Variants in SCN10A observed in about 807,000 individuals in gnomAD.
The protein encoded by SCN10A is sodium voltage-gated channel alpha subunit 10, also known as sodium channel protein type 10 subunit alpha.
In SCN10A, 162 loss-of-function variants were observed where a neutral mutation model predicts 170.7. That is an observed-to-expected ratio of 0.95 (90% CI 0.84 to 1.08). The LOEUF (loss-of-function observed/expected upper bound fraction) is 1.08, where lower values mean the gene tolerates loss of function less well. Ranked by LOEUF, SCN10A falls within the 50% of genes least tolerant of loss-of-function variation. The pLI, the probability that SCN10A is intolerant of heterozygous loss-of-function variation, is 0.00. For synonymous variants in SCN10A, 985 were observed against 904.6 expected (o/e 1.09, Z -1.59); for missense variants, 2,527 against 2,436.9 (o/e 1.04, Z -0.78).
chr3:38,765,556 T>C (rs2063922761), intron 5 of SCN10A, among the ~76,000 whole-genome samples: 1 of 152,222 alleles, frequency 6.6e-6, no homozygotes, highest in African/African-American at 2.4e-5. Context: ...CTCTATTCTT[T>C]TCCATTGGTC....
intron 1 of SCN10A, among the ~76,000 whole-genome samples, chr3:38,799,387 T>C (rs1364663718): frequency 6.6e-6 from 1 of 152,220 alleles, no homozygotes; most frequent in African/African-American, 2.4e-5. Flanking sequence ...CAATGTGTTC[T>C]GCAGAATTTG....
At chr3:38,718,570 C>A (rs562516908) in intron 21 of SCN10A, 83 bp downstream of exon 21, 1 of 1,459,288 alleles carries the variant, frequency 6.9e-7, no homozygotes, top group Admixed American at 1.9e-5. Context: ...AGGGCCAGGT[C>A]TCTGAGCTTC....
intron 8 of SCN10A, among the ~76,000 whole-genome samples, chr3:38,759,525 GCC>G (rs2063845087): frequency 6.6e-6 from 1 of 152,068 alleles, no homozygotes; most frequent in Admixed American, 6.5e-5. Flanking sequence ...AGCCTATGAA[GCC>G]TCTAGTAAAG....
At chr3:38,775,708 A>G (rs1204214637) in intron 4 of SCN10A, among the ~76,000 whole-genome samples, 1 of 152,182 alleles carries the variant, frequency 6.6e-6, no homozygotes, top group African/African-American at 2.4e-5. Flanking sequence ...TTCAACTATA[A>G]AATAAAATGT....
At chr3:38,746,067 A>ATATATATGTGTGTGTG (rs1559439478) in intron 13 of SCN10A, among the ~76,000 whole-genome samples, 2 of 70,982 alleles carry the variant, frequency 2.8e-5, no homozygotes, top group East Asian at 5.0e-4. Flanking sequence ...GTATGTGTAT[A>ATATATATGTGTGTGTG]TATATATATA....
At chr3:38,795,528 G>C (rs1227531449) in intron 1 of SCN10A, among the ~76,000 whole-genome samples, 1 of 151,380 alleles carries the variant, frequency 6.6e-6, no homozygotes, top group Non-Finnish European at 1.5e-5. Context: ...TTTTTTTGTA[G>C]GCAGTGTACC....
intron 11 of SCN10A, 123 bp downstream of exon 11, chr3:38,755,665 G>T: frequency 8.9e-7 from 1 of 1,124,416 alleles, no homozygotes; most frequent in East Asian, 2.4e-5. Context: ...AGGGGTGTCT[G>T]GATCCTTTTA....
At chr3:38,724,875 C>G (rs576587762) in intron 18 of SCN10A, among the ~76,000 whole-genome samples, 41 of 152,276 alleles carry the variant, frequency 2.7e-4, no homozygotes, top group African/African-American at 9.4e-4. Flanking sequence ...TAAATGGCGG[C>G]TCAGAGAGGT....
intron 1 of SCN10A, among the ~76,000 whole-genome samples, chr3:38,808,837 A>G (rs975810394): frequency 6.6e-6 from 1 of 152,226 alleles, no homozygotes; most frequent in Non-Finnish European, 1.5e-5. Context: ...AGTGACATTT[A>G]TTAAGAAGGA....
intron 4 of SCN10A, among the ~76,000 whole-genome samples, chr3:38,787,566 T>G (rs987123542): frequency 2.6e-5 from 4 of 151,266 alleles, no homozygotes; most frequent in African/African-American, 9.7e-5. Flanking sequence ...ACATCTTTGG[T>G]TTTTTTTTCT....
chr3:38,727,203 T>C (rs1019547536), intron 16 of SCN10A, 151 bp from the exon 17 acceptor site: 9 of 695,238 alleles, frequency 1.3e-5, no homozygotes, highest in Non-Finnish European at 2.1e-5. Flanking sequence ...GAATGGACTT[T>C]CTGAGAGCAG....
intron 1 of SCN10A, among the ~76,000 whole-genome samples, chr3:38,809,845 G>A (rs1186893326): frequency 2.0e-5 from 3 of 152,174 alleles, no homozygotes; most frequent in African/African-American, 7.2e-5. Context: ...ATATTATATG[G>A]TTCCAACCAT....
Position 38,739,526 on chromosome 3 carries a change from T to C in SCN10A, c.2269A>G (p.Ser757Gly), listed in dbSNP as rs1194887673. ...AKKGSLSVLR[S>G]FRLLRVFKLA... ...GAGAAAAACATTACCAAGCGGAAGC[T>C]CCGCAGCACAGACAGGCTTCCCTTC... The change falls in exon 15 of 28, where the codon AGC (serine) becomes GGC (glycine). Residue 757 changes from serine to glycine, a missense_variant. Physicochemically the swap from Ser to Gly is moderately conservative, Grantham distance 56 (BLOSUM62 0). Transcript: ENST00000449082. 4 of 1,612,592 alleles carry C rather than the reference T, an allele frequency of 2.5e-6. 1 individual carries two copies. In the South Asian group the frequency reaches 4.4e-5, roughly 18 times the overall value.
At chr3:38,790,884 C>T (rs997885282) in intron 3 of SCN10A, among the ~76,000 whole-genome samples, 1 of 152,142 alleles carries the variant, frequency 6.6e-6, no homozygotes, top group Non-Finnish European at 1.5e-5. Flanking sequence ...AAATATCCTT[C>T]TGTAGAATCT....
chr3:38,742,263 T>G, intron 14 of SCN10A, 28 bp downstream of exon 14: 22 of 1,486,454 alleles, frequency 1.5e-5, no homozygotes, highest in Non-Finnish European at 2.1e-5. Flanking sequence ...ACCACGCCAG[T>G]GAGGGCAGTA....
chr3:38,807,115 C>A (rs2064409456), intron 1 of SCN10A, among the ~76,000 whole-genome samples: 1 of 152,106 alleles, frequency 6.6e-6, no homozygotes, highest in Non-Finnish European at 1.5e-5. Context: ...GTTTTTAAAG[C>A]TGTGGATTAA....
At chr3:38,795,394 G>A (rs1300147372) in intron 1 of SCN10A, among the ~76,000 whole-genome samples, 1 of 140,356 alleles carries the variant, frequency 7.1e-6, no homozygotes, top group African/African-American at 2.7e-5. Context: ...GGACTAGAGT[G>A]CAGTGGTGCA....
At chr3:38,712,542 C>T (rs2063287218) in intron 22 of SCN10A, 97 bp from the exon 23 acceptor site, 2 of 1,291,624 alleles carry the variant, frequency 1.5e-6, no homozygotes, top group Non-Finnish European at 2.1e-6. Context: ...GCTTCATGAG[C>T]CAGTGGCCTT....
chr3:38,709,701 G>T (rs2063251596), intron 24 of SCN10A, 86 bp from the exon 25 acceptor site: 1 of 1,240,104 alleles, frequency 8.1e-7, no homozygotes, highest in Non-Finnish European at 1.1e-6. Context: ...ACATGGACCT[G>T]GGTGCAGGTG....
Sources: gnomAD v4.1 joint callset for allele counts (sites outside exome capture counted in the v4.1 genomes callset) on GRCh38, gnomAD v4.1.1 for gene constraint, MANE v1.5 for transcripts, NCBI Gene and HGNC (gene_info 2026-07-23, HGNC 2026-07-21) for gene names.